SKAP1: variants seen among roughly 807,000 people sequenced by gnomAD.
SKAP1 encodes src kinase associated phosphoprotein 1, also known as src kinase-associated phosphoprotein 1.
In SKAP1, 44 loss-of-function variants were observed where a neutral mutation model predicts 58.5. That is an observed-to-expected ratio of 0.75 (90% CI 0.59 to 0.97). The LOEUF (loss-of-function observed/expected upper bound fraction) is 0.97, where lower values mean the gene tolerates loss of function less well. SKAP1 is among the 50% of genes least tolerant of loss of function. SKAP1 has a pLI of 0.00. For missense variants in SKAP1, 390 were observed against 435.2 expected (o/e 0.90, Z 0.92); for synonymous variants, 127 against 149.7 (o/e 0.85, Z 1.11).
the SKAP1 span, among the ~76,000 whole-genome samples, chr17:48,436,690 A>T: frequency 6.7e-6 from 1 of 150,282 alleles, no homozygotes; most frequent in African/African-American, 2.5e-5. Flanking sequence ...ACCTCCTCCA[A>T]CTCTCATCCT....
intron 4 of SKAP1, among the ~76,000 whole-genome samples, chr17:48,208,231 T>G (rs2064832133): frequency 6.6e-6 from 1 of 152,196 alleles, no homozygotes; most frequent in South Asian, 2.1e-4. Flanking sequence ...GACCCACTGG[T>G]AGAGGAAGGA....
chr17:48,313,619 C>T (rs762892661), intron 4 of SKAP1, among the ~76,000 whole-genome samples: 1 of 152,088 alleles, frequency 6.6e-6, no homozygotes, highest in Non-Finnish European at 1.5e-5. Flanking sequence ...ATTAGAAAGT[C>T]GTCACTAATC....
chr17:48,223,007 T>C (rs188816029), intron 4 of SKAP1, among the ~76,000 whole-genome samples: 211 of 129,392 alleles, frequency 1.6e-3, no homozygotes, highest in Admixed American at 5.8e-3. Flanking sequence ...GAGGTTGCAG[T>C]GAGCAGAGAT....
In SKAP1 at chr17:48,386,953, GA is replaced by G. The variant is rs1405329735; in HGVS notation, c.152+9726del. On this transcript the variant is annotated intron_variant, in intron 2 of 12. Coordinates refer to ENST00000336915, the MANE Select transcript of SKAP1 (RefSeq NM_003726.4). ...TCTAGTTATGCCATATGGCAGCATA[GA>G]ACACTGGCTGGAACCTGAAAACTCA... is the stretch of plus-strand genomic sequence containing the variant. Among the ~76,000 whole-genome samples the G allele has an allele frequency of 2.0e-5, 3 of 152,192 alleles. No individual in the cohort carries two copies. The East Asian group carries it at 5.8e-4, about 29-fold the overall frequency.
At chr17:48,195,130 A>G (rs932054632) in intron 4 of SKAP1, among the ~76,000 whole-genome samples, 16 of 152,216 alleles carry the variant, frequency 1.1e-4, no homozygotes, top group African/African-American at 3.6e-4. Context: ...GTGGATTTCA[A>G]ATCTGTTCAT....
chr17:48,339,417 A>G (rs556536885), intron 4 of SKAP1, among the ~76,000 whole-genome samples: 1 of 152,342 alleles, frequency 6.6e-6, no homozygotes, highest in Non-Finnish European at 1.5e-5. Context: ...AAAAACTCCA[A>G]ATATGTTCAC....
At chr17:48,260,284 C>T (rs1319328791) in intron 4 of SKAP1, among the ~76,000 whole-genome samples, 1 of 152,052 alleles carries the variant, frequency 6.6e-6, no homozygotes. Context: ...AAGAAATCTC[C>T]TGTTTGAATG....
intron 1 of SKAP1, among the ~76,000 whole-genome samples, chr17:48,422,738 G>A (rs7220387): frequency 0.21 from 31,834 of 152,070 alleles, 3,372 homozygotes; most frequent in Admixed American, 0.22. Context: ...TTAAAGAACA[G>A]AAATGTTTAG....
chr17:48,376,052 C>A (rs1293313870), intron 2 of SKAP1, among the ~76,000 whole-genome samples: 1 of 152,138 alleles, frequency 6.6e-6, no homozygotes, highest in Non-Finnish European at 1.5e-5. Flanking sequence ...ACAAATAACT[C>A]CAGCTGATTA....
chr17:48,142,228 G>A (rs534743024), intron 11 of SKAP1, among the ~76,000 whole-genome samples: 5 of 152,140 alleles, frequency 3.3e-5, no homozygotes, highest in East Asian at 1.9e-4. Flanking sequence ...TTGGGAGGCC[G>A]AGGTGGGTGG....
At chr17:48,219,654 T>C (rs1333202906) in intron 4 of SKAP1, among the ~76,000 whole-genome samples, 1 of 152,202 alleles carries the variant, frequency 6.6e-6, no homozygotes, top group Non-Finnish European at 1.5e-5. Flanking sequence ...GGTTTTTTCC[T>C]CTTAGAATTA....
chr17:48,435,701 T>A, the SKAP1 span, among the ~76,000 whole-genome samples: 1 of 152,342 alleles, frequency 6.6e-6, no homozygotes, highest in Non-Finnish European at 1.5e-5. Flanking sequence ...TTACTTTTTA[T>A]CCTTTCTTCT....
chr17:48,180,788 G>A (rs1170911136), intron 8 of SKAP1, among the ~76,000 whole-genome samples: 4 of 152,104 alleles, frequency 2.6e-5, no homozygotes, highest in South Asian at 2.1e-4. Context: ...AAAAAGAAAC[G>A]GGGTATGGAA....
chr17:48,281,065 T>C (rs1403097081), intron 4 of SKAP1, among the ~76,000 whole-genome samples: 5 of 152,030 alleles, frequency 3.3e-5, no homozygotes, highest in African/African-American at 9.7e-5. Flanking sequence ...CTTGTTCTGT[T>C]GCCAGGCTGG....
intron 4 of SKAP1, among the ~76,000 whole-genome samples, chr17:48,259,701 G>A (rs960481508): frequency 6.6e-6 from 1 of 152,108 alleles, no homozygotes; most frequent in African/African-American, 2.4e-5. Context: ...CTGTTGCTAC[G>A]AATGTTAGTA....
chr17:48,444,266 C>T, the SKAP1 span, among the ~76,000 whole-genome samples: 3 of 152,198 alleles, frequency 2.0e-5, no homozygotes, highest in South Asian at 6.2e-4. Context: ...TGGTGGCATG[C>T]GTCTGTAATC....
chr17:48,296,424 T>C lies in SKAP1; in HGVS notation c.280+49481A>G, dbSNP rs967280167. The stretch of plus-strand genomic sequence containing the variant: ...GGTTGTTGTTGTTTAAAAAAACAGC[T>C]ATAGTATAAAAGAAATACTTTCAAA... On this transcript the variant is annotated intron_variant, in intron 4 of 12. Transcript: ENST00000336915. Among the ~76,000 whole-genome samples the C allele has an allele frequency of 2.8e-4, 42 of 152,154 alleles. 1 individual carries two copies. The highest frequency in any genetic ancestry group is 2.1e-4 in the South Asian group (1 of 4,834).
intron 4 of SKAP1, among the ~76,000 whole-genome samples, chr17:48,216,331 T>C (rs1419909609): frequency 6.6e-6 from 1 of 152,184 alleles, no homozygotes; most frequent in Admixed American, 6.5e-5. Flanking sequence ...AGCTTACAAC[T>C]GAGATTCTAT....
chr17:48,210,846 G>A (rs1188782553), intron 4 of SKAP1, among the ~76,000 whole-genome samples: 1 of 151,998 alleles, frequency 6.6e-6, no homozygotes, highest in African/African-American at 2.4e-5. Context: ...ATTCCTCATA[G>A]TCTCCTCCCG....
Sources: gnomAD v4.1 joint callset for allele counts (sites outside exome capture counted in the v4.1 genomes callset) on GRCh38, gnomAD v4.1.1 for gene constraint, MANE v1.5 for transcripts, NCBI Gene and HGNC (gene_info 2026-07-23, HGNC 2026-07-21) for gene names.